PCCA: variants seen among roughly 807,000 people sequenced by gnomAD.
PCCA encodes propionyl-CoA carboxylase subunit alpha, also known as propionyl-CoA carboxylase alpha chain, mitochondrial.
A neutral mutation model predicts 101.3 loss-of-function variants in PCCA; 74 were observed. The ratio of observed to expected loss-of-function variants is 0.73; its 90% confidence interval spans 0.61 to 0.89. The LOEUF (loss-of-function observed/expected upper bound fraction) is 0.89. PCCA is among the 40% of genes least tolerant of loss of function. The pLI is 0.00. For missense variants in PCCA, 891 were observed against 907.0 expected (o/e 0.98, Z 0.23); for synonymous variants, 294 against 313.6 (o/e 0.94, Z 0.66).
rs368825548 is a variant in PCCA, at chr13:100,170,197, A to C, written c.468+12857A>C. ...CTTACGGTAACTTCGTGATGTCTTA[A>C]AATTTATTTTCATTGATTTATTTGT... On this transcript the variant is annotated intron_variant, in intron 6 of 23. Transcript: ENST00000376285. Among the ~76,000 whole-genome samples the C allele has an allele frequency of 4.6e-5, 7 of 152,202 alleles. No homozygotes were observed. In the East Asian group the frequency reaches 1.3e-3, roughly 29 times the overall value.
intron 6 of PCCA, among the ~76,000 whole-genome samples, chr13:100,175,186 G>A (rs538198441): frequency 6.6e-6 from 1 of 152,302 alleles, no homozygotes; most frequent in East Asian, 1.9e-4. Context: ...GTCTTGTCAA[G>A]TCCCTGGTGA....
intron 19 of PCCA, among the ~76,000 whole-genome samples, chr13:100,424,451 C>G (rs1237369743): frequency 6.6e-6 from 1 of 152,142 alleles, no homozygotes; most frequent in Non-Finnish European, 1.5e-5. Context: ...GGATTCCTAT[C>G]ACGATGTACT....
At chr13:100,174,262 G>T (rs767578092) in intron 6 of PCCA, among the ~76,000 whole-genome samples, 12 of 151,904 alleles carry the variant, frequency 7.9e-5, no homozygotes, top group Non-Finnish European at 1.5e-4. Context: ...AGGTTATTTT[G>T]ATTGAAATTC....
intron 4 of PCCA, among the ~76,000 whole-genome samples, chr13:100,148,581 T>G (rs1026592485): frequency 6.6e-6 from 1 of 152,164 alleles, no homozygotes; most frequent in Non-Finnish European, 1.5e-5. Context: ...ATGCTTCTAC[T>G]AAGGGGTCAG....
chr13:100,310,450 G>A lies in PCCA; in HGVS notation c.1429+542G>A, dbSNP rs915901597. ...ATTTAATTTTTACTCTAATGTGCTT[G>A]AGCAGTAAATCCATGAATTTGAGAG... On this transcript the variant is annotated intron_variant, in intron 16 of 23. Coordinates refer to ENST00000376285, the MANE Select transcript of PCCA (RefSeq NM_000282.4). Among the ~76,000 whole-genome samples the A allele has an allele frequency of 1.2e-4, 18 of 152,226 alleles. No individual in the cohort carries two copies. In the East Asian group the frequency reaches 3.3e-3, roughly 28 times the overall value.
chr13:100,286,016 C>A (rs2064603740), intron 12 of PCCA, among the ~76,000 whole-genome samples: 2 of 152,132 alleles, frequency 1.3e-5, no homozygotes, highest in South Asian at 2.1e-4. Context: ...GCCAGCAACT[C>A]TTCTACAAGC....
intron 7 of PCCA, among the ~76,000 whole-genome samples, chr13:100,219,597 A>T (rs1253275318): frequency 6.6e-6 from 1 of 152,180 alleles, no homozygotes; most frequent in Admixed American, 6.5e-5. Flanking sequence ...ATTCCGAGGG[A>T]GAGCTTGTGG....
chr13:100,302,768 T>C (rs2066160703), intron 13 of PCCA, among the ~76,000 whole-genome samples, 156 bp from the exon 14 acceptor site: 2 of 152,218 alleles, frequency 1.3e-5, no homozygotes, highest in African/African-American at 4.8e-5. Flanking sequence ...CTAAGTTGTC[T>C]AGCGTAAAAG....
chr13:100,246,990 C>T (rs2061469995), intron 8 of PCCA, among the ~76,000 whole-genome samples: 1 of 151,146 alleles, frequency 6.6e-6, no homozygotes, highest in Non-Finnish European at 1.5e-5. Flanking sequence ...CTCAATGCAA[C>T]CTCCGCCTCC....
chr13:100,374,664 A>T (rs188123670), intron 19 of PCCA, among the ~76,000 whole-genome samples: 73 of 152,302 alleles, frequency 4.8e-4, no homozygotes, highest in Non-Finnish European at 9.8e-4. Context: ...TGTATAAGAA[A>T]ATTAGTTAGA....
chr13:100,381,945 A>G (rs2152829671), intron 19 of PCCA, among the ~76,000 whole-genome samples: 1 of 152,338 alleles, frequency 6.6e-6, no homozygotes, highest in East Asian at 1.9e-4. Context: ...GGCAGCATCC[A>G]GGAGGGGTGC....
chr13:100,093,210 C>G (rs571209560), intron 1 of PCCA, among the ~76,000 whole-genome samples: 1 of 152,294 alleles, frequency 6.6e-6, no homozygotes, highest in African/African-American at 2.4e-5. Context: ...AGGAGCCATG[C>G]TGAGGTGCTG....
rs373115130 is a variant in PCCA, at chr13:100,273,226, G to A, written c.945G>A (p.Ala315=). 9.1e-5 allele frequency: 147 copies of A among 1,612,838 alleles called. No homozygotes were observed. The highest frequency in any genetic ancestry group is 1.1e-4 in the Non-Finnish European group (133 of 1,178,998). ...SIFLDAETRR[A]MGEQAVALAR... is the part of the protein sequence containing the mutation. The stretch of plus-strand genomic sequence containing the variant: ...TTTTGGATGCGGAGACTCGAAGAGC[G>A]ATGGGAGAACAAGCTGTAGCTCTTG... Residue 315 remains alanine (A), a synonymous_variant, in exon 12 of 24, where the codon GCG becomes GCA. Coordinates refer to ENST00000376285, the MANE Select transcript of PCCA (RefSeq NM_000282.4).
At chr13:100,461,842 A>G (rs918224538) in intron 21 of PCCA, among the ~76,000 whole-genome samples, 1 of 152,272 alleles carries the variant, frequency 6.6e-6, no homozygotes. Flanking sequence ...ATTGGTCCCC[A>G]CTTTCTCTGG....
At chr13:100,474,235 C>T (rs1163006142) in intron 21 of PCCA, among the ~76,000 whole-genome samples, 1 of 152,088 alleles carries the variant, frequency 6.6e-6, no homozygotes, top group Non-Finnish European at 1.5e-5. Flanking sequence ...ATTTTAAATG[C>T]AAATGAGTTA....
intron 4 of PCCA, chr13:100,149,741 G>A (rs1428741187): frequency 6.6e-6 from 1 of 152,194 alleles, no homozygotes; most frequent in Non-Finnish European, 1.5e-5. Context: ...ATCTCCTTGA[G>A]TGATAGGTTT....
Position 100,423,085 on chromosome 13 carries a change from G to A in PCCA, c.1747-2548G>A, listed in dbSNP as rs142194240. ...AGTGTTGTTTATGTTGAAATAGGCC[G>A]GGAGGGTAGGTGAAGCAGGCTACAG... On this transcript the variant is annotated intron_variant, in intron 19 of 23. Coordinates refer to ENST00000376285, the MANE Select transcript of PCCA (RefSeq NM_000282.4). Among the ~76,000 whole-genome samples the A allele has an allele frequency of 4.0e-5, 6 of 151,866 alleles. No homozygotes were observed. The East Asian group carries it at 9.7e-4, about 24-fold the overall frequency.
intron 21 of PCCA, chr13:100,473,258 C>G (rs1596063360): frequency 1.3e-5 from 2 of 152,348 alleles, no homozygotes; most frequent in East Asian, 3.9e-4. Flanking sequence ...TTCTTTGCCT[C>G]TGCGCTGCTG....
At chr13:100,252,989 AT>A (rs1363965579) in intron 8 of PCCA, among the ~76,000 whole-genome samples, 2 of 151,838 alleles carry the variant, frequency 1.3e-5, no homozygotes, top group Non-Finnish European at 2.9e-5. Context: ...CCCCTCACTG[AT>A]TTTCAGAGTG....
Sources: allele counts gnomAD v4.1 joint callset (sites outside exome capture counted in the v4.1 genomes callset), GRCh38; gene constraint gnomAD v4.1.1; transcripts MANE v1.5; gene names NCBI Gene and HGNC (gene_info 2026-07-23, HGNC 2026-07-21).